PLEC: variants seen among roughly 807,000 people sequenced by gnomAD.
PLEC encodes plectin.
Under a neutral mutation model 392.8 loss-of-function variants are expected in PLEC, and 216 were observed. The observed-to-expected ratio is 0.55, with a 90% CI of 0.49 to 0.62. The LOEUF (loss-of-function observed/expected upper bound fraction) is 0.62, where lower values mean the gene tolerates loss of function less well. PLEC is among the 20% of genes least tolerant of loss of function. The probability of loss-of-function intolerance (pLI) is 0.00; values close to 1 mark genes in which losing one functional copy is unlikely to be tolerated. For missense variants in PLEC, 6,863 were observed against 6,563.4 expected, an observed-to-expected ratio of 1.05 and a Z score of -1.58; for synonymous variants, 3,621 against 2,980.6, an observed-to-expected ratio of 1.21 and a Z score of -7.00.
chr8:143,923,531 G>T lies in PLEC; in HGVS notation c.6398C>A (p.Ala2133Glu). Residue 2133 changes from alanine (A) to glutamate (E), a missense_variant, in exon 31 of 32, where the codon GCG becomes GAG. Transcript: ENST00000345136. ...EQAQARAQAQ[A>E]AAEKLRKEAE... Reference sequence around the variant, plus strand: ...CTCCTTGCGCAGCTTCTCTGCAGCCGCCTGTGCCTGAGCCCGGGCCTGTGC... The same window carrying T: ...CTCCTTGCGCAGCTTCTCTGCAGCCTCCTGTGCCTGAGCCCGGGCCTGTGC... 6.3e-7 allele frequency: 1 copy of T among 1,598,696 alleles called. No homozygotes were observed. Among genetic ancestry groups the T allele is most frequent in the East Asian group, 2.2e-5 (1 of 44,692 alleles).
At chr8:143,942,196 G>C (rs1036288167), upstream of PLEC, among the ~76,000 whole-genome samples, 1 of 150,988 alleles carries the variant, frequency 6.6e-6, no homozygotes, top group African/African-American at 2.4e-5. Flanking sequence ...CTTCTCTAGA[G>C]ACAAACAAAT....
Position 143,938,257 on chromosome 8 carries a change from G to A in PLEC, c.175-17C>T, listed in dbSNP as rs782044287. ...CCTCTGGGCCTGTGGGGACAGCAGC[G>A]GCTGAGGTGGCCAGTCCCCCAGAGC... On this transcript the variant is annotated splice_polypyrimidine_tract_variant and intron_variant, in intron 2 of 31. Transcript: ENST00000345136. 64 of 1,577,708 alleles carry A rather than the reference G, an allele frequency of 4.1e-5. No homozygotes were observed. Among genetic ancestry groups the A allele is most frequent in the East Asian group, 2.6e-4 (11 of 42,932 alleles).
Position 143,917,634 on chromosome 8 carries a change from C to T in PLEC, c.12187G>A (p.Val4063Met), listed in dbSNP as rs201051109. Residue 4063 changes from valine (V) to methionine (M), a missense_variant, in exon 32 of 32, where the codon GTG becomes ATG. Physicochemically the swap from Val to Met is conservative, Grantham distance 21 (BLOSUM62 1). Transcript: ENST00000345136. Reference protein sequence around the residue: ...IDPEESHRLPVEVAYKRGLFD... With the variant: ...IDPEESHRLPMEVAYKRGLFD... The stretch of plus-strand genomic sequence containing the variant: ...AGGCCGCGCTTGTAGGCCACCTCCA[C>T]GGGCAGCCGGTGGCTCTCCTCAGGG... 3.8e-5 allele frequency: 61 copies of T among 1,613,578 alleles called. No individual in the cohort carries two copies. The highest frequency in any genetic ancestry group is 4.5e-5 in the Non-Finnish European group (53 of 1,180,036).
At chr8:143,927,129 C>G in intron 28 of PLEC, 48 bp from the exon 29 acceptor site, 1 of 1,566,506 alleles carries the variant, frequency 6.4e-7, no homozygotes, top group Admixed American at 1.7e-5. Flanking sequence ...CTCCGATGGC[C>G]CCTGCCCAGC....
Position 143,916,510 on chromosome 8 carries a change from G to A in PLEC, c.13311C>T (p.Cys4437=), listed in dbSNP as rs781819481. ...DVGAYSKYLT[C]PKTKLKISYK... is the part of the protein sequence containing the mutation. Reference sequence around the variant, plus strand: ...AGGAGATCTTGAGCTTGGTCTTAGGGCAGGTGAGGTACTTGGAGTAGGCGC... The same window carrying A: ...AGGAGATCTTGAGCTTGGTCTTAGGACAGGTGAGGTACTTGGAGTAGGCGC... Residue 4437 remains cysteine, a synonymous_variant, in exon 32 of 32, where the codon TGC becomes TGT. Coordinates refer to ENST00000345136, the MANE Select transcript of PLEC (RefSeq NM_201384.3). The A allele has an allele frequency of 1.9e-6, 3 of 1,611,890 alleles. No homozygotes were observed. The highest frequency in any genetic ancestry group is 2.2e-5 in the South Asian group (2 of 91,078).
upstream of PLEC, among the ~76,000 whole-genome samples, chr8:143,952,893 G>T (rs1023370264): frequency 6.6e-6 from 1 of 152,082 alleles, no homozygotes; most frequent in African/African-American, 2.4e-5. Context: ...CCAGCCAGGG[G>T]CCTGCAGGCG....
chr8:143,926,912 G>T lies in PLEC; in HGVS notation c.3946-30C>A, dbSNP rs377310139. On this transcript the variant is annotated intron_variant, in intron 29 of 31. Coordinates refer to ENST00000345136, the MANE Select transcript of PLEC (RefSeq NM_201384.3). ...GGAGTAGAGCCAGGGTTAGCCCTGC[G>T]AGAGCTGCAGCTCCAGCCAGAGGCC... 18 of 1,607,208 alleles carry T rather than the reference G, an allele frequency of 1.1e-5. No individual in the cohort carries two copies. In the South Asian group the frequency reaches 1.8e-4, roughly 16 times the overall value.
rs782788773 is a variant in PLEC at position 143,934,328 on chromosome 8, C to T, written c.1159G>A (p.Glu387Lys). 8.7e-6 allele frequency: 14 copies of T among 1,612,224 alleles called. 1 individual carries two copies. Among genetic ancestry groups the T allele is most frequent in the South Asian group, 5.5e-5 (5 of 91,094 alleles). ...CAGGGCCCCACCCACCTCTCAAACTCGCTGCGGAGCTGCTTCTCCCGCTCC... is the reference window on the plus strand; with the variant it reads ...CAGGGCCCCACCCACCTCTCAAACTTGCTGCGGAGCTGCTTCTCCCGCTCC... ...ILEREKQLRS[E>K]FERLECLQRI... The change falls in exon 11 of 32, where the codon GAG becomes AAG. Residue 387 changes from glutamate to lysine, a missense_variant. Glu to Lys is a moderately conservative substitution (Grantham distance 56). Coordinates refer to ENST00000345136, the MANE Select transcript of PLEC (RefSeq NM_201384.3).
Position 143,921,742 on chromosome 8 carries a change from C to T in PLEC, c.8079G>A (p.Gln2693=), listed in dbSNP as rs1554686924. Residue 2693 remains glutamine (Q), a synonymous_variant, in exon 32 of 32, where the codon CAG becomes CAA. Transcript: ENST00000345136. The part of the protein sequence containing the change: ...ARREDVRHYL[Q]GRSSIAGLLL... Reference sequence around the variant, plus strand: ...ACAGCCCTGCGATACTGCTGCGGCCCTGCAGGTAGTGGCGCACGTCTTCCC... The same window carrying T: ...ACAGCCCTGCGATACTGCTGCGGCCTTGCAGGTAGTGGCGCACGTCTTCCC... 1 of 1,612,670 alleles carries T rather than the reference C, an allele frequency of 6.2e-7. No homozygotes were observed. The highest frequency in any genetic ancestry group is 8.5e-7 in the Non-Finnish European group (1 of 1,179,878).
intron 1 of PLEC, among the ~76,000 whole-genome samples, chr8:143,960,603 C>A (rs959384290): frequency 3.3e-5 from 5 of 151,546 alleles, no homozygotes; most frequent in Non-Finnish European, 5.9e-5. Context: ...GGTGATAAAG[C>A]AAGACTCTGT....
intron 1 of PLEC, chr8:143,945,284 G>C (rs782427875): frequency 6.4e-6 from 3 of 466,438 alleles, no homozygotes; most frequent in Non-Finnish European, 1.3e-5. Flanking sequence ...CTCTCCTGGG[G>C]TCCCAGGGAT....
In PLEC at chr8:143,927,396, C is replaced by T. The variant is rs782793549; in HGVS notation, c.3756+14G>A. ...GCACGCCCAGCCGCCCCGTCCCCAC[C>T]GACCCAAGCCCACCTGCTCCTGCCG... On this transcript the variant is annotated intron_variant, in intron 27 of 31. Coordinates refer to ENST00000345136, the MANE Select transcript of PLEC (RefSeq NM_201384.3). 1.2e-5 allele frequency: 20 copies of T among 1,607,526 alleles called. No homozygotes were observed. Among genetic ancestry groups the T allele is most frequent in the South Asian group, 4.4e-5 (4 of 91,022 alleles).
Position 143,924,223 on chromosome 8 carries a change from C to T in PLEC, c.5706G>A (p.Ser1902=), listed in dbSNP as rs782767089. The change falls in exon 31 of 32, where the codon TCG becomes TCA. Residue 1902 remains serine, a synonymous_variant. Coordinates refer to ENST00000345136, the MANE Select transcript of PLEC (RefSeq NM_201384.3). ...EERLAQLRKA[S]DSELERQKGL... Reference sequence around the variant, plus strand: ...CCTTCTGCCGCTCCAGCTCGCTGTCCGATGCCTTGCGCAGCTGGGCCAGGC... The same window carrying T: ...CCTTCTGCCGCTCCAGCTCGCTGTCTGATGCCTTGCGCAGCTGGGCCAGGC... The T allele has an allele frequency of 4.4e-5, 70 of 1,598,720 alleles. No individual in the cohort carries two copies. The highest frequency in any genetic ancestry group is 2.3e-4 in the Admixed American group (14 of 59,956).
intron 1 of PLEC, among the ~76,000 whole-genome samples, chr8:143,970,900 C>A (rs1554744019): frequency 6.6e-6 from 1 of 152,232 alleles, no homozygotes; most frequent in East Asian, 1.9e-4. Flanking sequence ...CAGCCCACAG[C>A]CCTCAGCACG....
rs782648152 is a variant in PLEC at position 143,937,239 on chromosome 8, G to A, written c.268C>T (p.Arg90Trp). The A allele has an allele frequency of 5.0e-6, 8 of 1,611,566 alleles. No individual in the cohort carries two copies. Among genetic ancestry groups the A allele is most frequent in the South Asian group, 3.3e-5 (3 of 91,064 alleles). ...LEVLSGDSLP[R>W]EKGRMRFHKL... ...TGGAAACGCATCCTCCCCTTCTCCC[G>A]GGGCTGTGGGGAGGCACAGTCAGCA... Residue 90 changes from arginine (R) to tryptophan (W), a missense_variant, in exon 4 of 32, where the codon CGG (arginine) becomes TGG (tryptophan). Arg to Trp is a moderately radical substitution (Grantham distance 101). Coordinates refer to ENST00000345136, the MANE Select transcript of PLEC (RefSeq NM_201384.3).
chr8:143,947,792 C>T (rs929538831), intron 1 of PLEC, among the ~76,000 whole-genome samples: 1 of 152,142 alleles, frequency 6.6e-6, no homozygotes, highest in Non-Finnish European at 1.5e-5. Flanking sequence ...ATGAAACTCA[C>T]ATATAAAAAC....
chr8:143,972,229 C>G (rs1368161466), intron 1 of PLEC, among the ~76,000 whole-genome samples: 3 of 152,226 alleles, frequency 2.0e-5, no homozygotes, highest in African/African-American at 7.2e-5. Flanking sequence ...CCCAGCACCC[C>G]TCCGGGTGCT....
At position 143,931,929 on chromosome 8, in the gene PLEC, G is replaced by A. The variant is rs781801610; in HGVS notation, c.2178+8C>T. 1 of 1,601,462 alleles carries A rather than the reference G, an allele frequency of 6.2e-7. No individual in the cohort carries two copies. The highest frequency in any genetic ancestry group is 8.5e-7 in the Non-Finnish European group (1 of 1,174,698). ...GAGCCACAGTGCGGAGGGGGCTCCG[G>A]TTCTCACCTGAAAGTAGGCAGCGTT... On this transcript the variant is annotated splice_region_variant and intron_variant, in intron 18 of 31. Coordinates refer to ENST00000345136, the MANE Select transcript of PLEC (RefSeq NM_201384.3).
rs1554702161 is a variant in PLEC at position 143,925,359 on chromosome 8, C to CGGCCTT, written c.4564_4569dup (p.Lys1522_Ala1523dup). 3 of 1,554,944 alleles carry CGGCCTT rather than the reference C, an allele frequency of 1.9e-6. No homozygotes were observed. Among genetic ancestry groups the CGGCCTT allele is most frequent in the African/African-American group, 2.7e-5 (2 of 73,556 alleles). ...TGCTTCTCGCGCGCCGCCTCGGCCT[C>CGGCCTT]GGCCTTCACGCGCGAGGCCAGCTCC... On this transcript the variant is annotated inframe_insertion, in exon 31 of 32. Coordinates refer to ENST00000345136, the MANE Select transcript of PLEC (RefSeq NM_201384.3).
Sources: allele counts gnomAD v4.1 joint callset (sites outside exome capture counted in the v4.1 genomes callset), GRCh38; gene constraint gnomAD v4.1.1; transcripts MANE v1.5; gene names NCBI Gene and HGNC (gene_info 2026-07-23, HGNC 2026-07-21).